The following PRKCH variants were observed in gnomAD, a reference collection of about 807,000 sequenced individuals.
PRKCH encodes the protein protein kinase C eta.
A neutral mutation model predicts 82.5 loss-of-function variants in PRKCH; 28 were observed. The observed-to-expected ratio is 0.34, with a 90% CI of 0.25 to 0.47. The LOEUF (loss-of-function observed/expected upper bound fraction) is 0.47. PRKCH is among the 20% of genes least tolerant of loss of function. PRKCH has a pLI of 1.00. For missense variants in PRKCH, 705 were observed against 881.8 expected (o/e 0.80, Z 2.54); for synonymous variants, 322 against 327.4 (o/e 0.98, Z 0.18).
At chr14:61,475,743 C>G (rs1262129360) in intron 9 of PRKCH, among the ~76,000 whole-genome samples, 1 of 152,074 alleles carries the variant, frequency 6.6e-6, no homozygotes, top group Admixed American at 6.5e-5. Context: ...ATGTTTTTTA[C>G]TTTTTCCTTT....
intron 10 of PRKCH, among the ~76,000 whole-genome samples, chr14:61,488,151 CAAAAA>C (rs33973552): frequency 7.1e-6 from 1 of 140,740 alleles, no homozygotes; most frequent in Non-Finnish European, 1.6e-5. Context: ...GACTCCGTCT[CAAAAA>C]AAAAAAAAAG....
At chr14:61,474,801 T>C (rs1309767653) in intron 9 of PRKCH, among the ~76,000 whole-genome samples, 2 of 152,200 alleles carry the variant, frequency 1.3e-5, no homozygotes, top group Non-Finnish European at 2.9e-5. Flanking sequence ...GAGAAGAGTT[T>C]GTCATGGCTA....
intron 1 of PRKCH, chr14:61,344,243 T>A (rs935758781): frequency 1.8e-4 from 27 of 152,048 alleles, no homozygotes; most frequent in African/African-American, 5.8e-4. Context: ...GAAAGGAAAA[T>A]AAATGTAAAA....
At position 61,443,281 on chromosome 14, in the gene PRKCH, C is replaced by A; in HGVS notation, c.578+20C>A. The A allele has an allele frequency of 6.2e-7, 1 of 1,608,476 alleles. No individual in the cohort carries two copies. Among genetic ancestry groups the A allele is most frequent in the South Asian group, 1.1e-5 (1 of 90,460 alleles). ...TATCTGGTAAGGGGTTCCCTTACTTCTGTCCTCCTCAGAGCTTCCATCTAA... is the reference window on the plus strand; with the variant it reads ...TATCTGGTAAGGGGTTCCCTTACTTATGTCCTCCTCAGAGCTTCCATCTAA... On this transcript the variant is annotated intron_variant, in intron 3 of 13. Transcript: ENST00000332981.
chr14:61,402,192 A>G (rs1881660754), intron 2 of PRKCH, among the ~76,000 whole-genome samples: 1 of 152,216 alleles, frequency 6.6e-6, no homozygotes, highest in Non-Finnish European at 1.5e-5. Flanking sequence ...GTGAACACGT[A>G]TTTTCACAAT....
intron 1 of PRKCH, among the ~76,000 whole-genome samples, chr14:61,334,933 C>G (rs2045837083): frequency 6.6e-6 from 1 of 152,008 alleles, no homozygotes; most frequent in South Asian, 2.1e-4. Flanking sequence ...AACTCCTGGG[C>G]TCAGGTTATC....
At chr14:61,546,081 C>T (rs2043253914) in intron 12 of PRKCH, among the ~76,000 whole-genome samples, 1 of 152,258 alleles carries the variant, frequency 6.6e-6, no homozygotes, top group Admixed American at 6.5e-5. Context: ...ACTGCTCTTC[C>T]ATCAGGAATT....
chr14:61,204,154 C>T (rs547960393), intron 1 of PRKCH, among the ~76,000 whole-genome samples: 1 of 152,222 alleles, frequency 6.6e-6, no homozygotes, highest in South Asian at 2.1e-4. Flanking sequence ...CTAAATACTG[C>T]AGGCTGGGAT....
intron 9 of PRKCH, among the ~76,000 whole-genome samples, chr14:61,467,308 C>T (rs555878477): frequency 1.2e-4 from 19 of 152,328 alleles, no homozygotes; most frequent in Admixed American, 8.5e-4. Context: ...TACTTCTGGA[C>T]CTGTTGGCCA....
intron 12 of PRKCH, among the ~76,000 whole-genome samples, chr14:61,542,219 G>A (rs1647987536): frequency 6.6e-6 from 1 of 152,088 alleles, no homozygotes; most frequent in Non-Finnish European, 1.5e-5. Flanking sequence ...GAACCTGGGA[G>A]GGGGAGGTTG....
chr14:61,457,779 T>G, intron 9 of PRKCH, 100 bp downstream of exon 9: 2 of 1,487,522 alleles, frequency 1.3e-6, no homozygotes, highest in Non-Finnish European at 1.8e-6. Flanking sequence ...TCAGAAATTT[T>G]GGGGGATGGG....
rs533806323 is a variant in PRKCH, at chr14:61,255,867, A to T, written c.-19+68199A>T. ...ATACGATACCCTAGAGTGAACATATATACCCTTTCAAAGTGATGTCTCTAG... is the reference window on the plus strand; with the variant it reads ...ATACGATACCCTAGAGTGAACATATTTACCCTTTCAAAGTGATGTCTCTAG... On this transcript the variant is annotated intron_variant, in intron 1 of 3. Transcript: ENST00000555185. 1.2e-4 allele frequency among the ~76,000 whole-genome samples: 18 copies of T among 152,298 alleles called. No individual in the cohort carries two copies. The South Asian group carries it at 3.5e-3, about 30-fold the overall frequency.
At chr14:61,441,323 A>T (rs1883959473) in intron 2 of PRKCH, among the ~76,000 whole-genome samples, 1 of 152,138 alleles carries the variant, frequency 6.6e-6, no homozygotes, top group African/African-American at 2.4e-5. Context: ...TCTAGATGGG[A>T]ACCCTGAGGC....
At chr14:61,231,338 T>C (rs1475376052) in intron 1 of PRKCH, among the ~76,000 whole-genome samples, 2 of 151,836 alleles carry the variant, frequency 1.3e-5, no homozygotes, top group Non-Finnish European at 2.9e-5. Context: ...GATCAATACA[T>C]TTAAGAATTG....
chr14:61,390,131 A>G (rs2046652691), intron 1 of PRKCH, among the ~76,000 whole-genome samples: 1 of 152,190 alleles, frequency 6.6e-6, no homozygotes, highest in Non-Finnish European at 1.5e-5. Context: ...AGAGGTGTTC[A>G]TGGATAGTGA....
At chr14:61,509,907 T>A (rs1367244284) in intron 10 of PRKCH, among the ~76,000 whole-genome samples, 1 of 151,918 alleles carries the variant, frequency 6.6e-6, no homozygotes, top group Non-Finnish European at 1.5e-5. Context: ...AAAGTGAGGC[T>A]CCATCTCAAA....
chr14:61,276,192 G>A (rs1410868455), intron 1 of PRKCH, among the ~76,000 whole-genome samples: 2 of 151,894 alleles, frequency 1.3e-5, no homozygotes, highest in African/African-American at 4.8e-5. Context: ...CTCTGTTTTG[G>A]TTGGAGGAGA....
intron 1 of PRKCH, among the ~76,000 whole-genome samples, chr14:61,366,966 C>G (rs2046304838): frequency 6.6e-6 from 1 of 152,046 alleles, no homozygotes; most frequent in Non-Finnish European, 1.5e-5. Flanking sequence ...GTGAGATGCA[C>G]TAAACATGAG....
intron 1 of PRKCH, among the ~76,000 whole-genome samples, chr14:61,327,892 G>C (rs2045719302): frequency 6.6e-6 from 1 of 152,210 alleles, no homozygotes. Flanking sequence ...AAATAGTTGA[G>C]GAGTTACTGG....
Sources: gnomAD v4.1 joint callset for allele counts (sites outside exome capture counted in the v4.1 genomes callset) on GRCh38, gnomAD v4.1.1 for gene constraint, MANE v1.5 for transcripts, NCBI Gene and HGNC (gene_info 2026-07-23, HGNC 2026-07-21) for gene names.